The following COMMD10 variants were observed in gnomAD, a reference collection of about 807,000 sequenced individuals.
COMMD10 encodes COMM domain containing 10.
A neutral mutation model predicts 28.9 loss-of-function variants in COMMD10; 33 were observed. The ratio of observed to expected loss-of-function variants is 1.14; its 90% CI spans 0.87 to 1.53. The LOEUF (loss-of-function observed/expected upper bound fraction) is 1.53. COMMD10 is among the 40% of genes most tolerant of loss of function. The probability of loss-of-function intolerance (pLI) is 0.00; values close to 1 mark genes in which losing one functional copy is unlikely to be tolerated. For missense variants in COMMD10, 310 were observed against 233.4 expected, an observed-to-expected ratio of 1.33 and a Z score of -2.14; for synonymous variants, 110 against 81.7, an observed-to-expected ratio of 1.35 and a Z score of -1.87.
intron 5 of COMMD10, among the ~76,000 whole-genome samples, chr5:116,151,771 T>C (rs1340020173): frequency 1.3e-5 from 2 of 152,226 alleles, no homozygotes; most frequent in South Asian, 2.1e-4. Flanking sequence ...GTCTTGCTAA[T>C]GGTCTATCAA....
intron 6 of COMMD10, among the ~76,000 whole-genome samples, chr5:116,291,889 T>A (rs1458140692): frequency 2.0e-5 from 3 of 152,158 alleles, no homozygotes; most frequent in Non-Finnish European, 1.5e-5. Context: ...TCAAATACTT[T>A]AATTTCTGGG....
chr5:116,253,958 A>G (rs565434139), intron 5 of COMMD10, among the ~76,000 whole-genome samples: 3 of 152,210 alleles, frequency 2.0e-5, no homozygotes, highest in South Asian at 2.1e-4. Flanking sequence ...GCTATTGATT[A>G]TTGCCACAAT....
intron 5 of COMMD10, among the ~76,000 whole-genome samples, chr5:116,149,204 C>T (rs1437652167): frequency 7.5e-5 from 11 of 145,886 alleles, no homozygotes; most frequent in African/African-American, 2.2e-4. Flanking sequence ...TTTATGGCTG[C>T]GTAGTATTCC....
chr5:116,109,741 C>G (rs1000106158), intron 4 of COMMD10, among the ~76,000 whole-genome samples: 2 of 152,164 alleles, frequency 1.3e-5, no homozygotes, highest in African/African-American at 4.8e-5. Flanking sequence ...TGTTGTGCAG[C>G]TTTACTACAT....
At chr5:116,239,840 G>T (rs1180488759) in intron 5 of COMMD10, among the ~76,000 whole-genome samples, 1 of 152,112 alleles carries the variant, frequency 6.6e-6, no homozygotes, top group Non-Finnish European at 1.5e-5. Flanking sequence ...ACTGCTCCAG[G>T]TTTGCTGTGT....
intron 5 of COMMD10, among the ~76,000 whole-genome samples, chr5:116,212,294 T>TA (rs1179517471): frequency 6.6e-6 from 1 of 152,136 alleles, no homozygotes; most frequent in Non-Finnish European, 1.5e-5. Context: ...CTCCTGAAGT[T>TA]ATAAAAGTAG....
At chr5:116,166,529 C>T (rs1334484019) in intron 5 of COMMD10, among the ~76,000 whole-genome samples, 1 of 152,204 alleles carries the variant, frequency 6.6e-6, no homozygotes, top group African/African-American at 2.4e-5. Context: ...GGTCCCCGGC[C>T]CCCGTGCCTC....
intron 5 of COMMD10, among the ~76,000 whole-genome samples, chr5:116,154,953 T>TTA (rs1752660216): frequency 6.6e-6 from 1 of 152,170 alleles, no homozygotes; most frequent in Non-Finnish European, 1.5e-5. Context: ...CATTTCTAAA[T>TTA]AAGTCCATGA....
At chr5:116,205,380 A>G (rs1296431226) in intron 5 of COMMD10, among the ~76,000 whole-genome samples, 4 of 152,196 alleles carry the variant, frequency 2.6e-5, no homozygotes, top group Non-Finnish European at 4.4e-5. Context: ...TACCTATAGT[A>G]GCATCTGGTG....
At chr5:116,252,021 G>C (rs1158619447) in intron 5 of COMMD10, among the ~76,000 whole-genome samples, 1 of 147,448 alleles carries the variant, frequency 6.8e-6, no homozygotes, top group African/African-American at 2.6e-5. Context: ...TCTCATTGTG[G>C]TTTTGATTTG....
intron 5 of COMMD10, among the ~76,000 whole-genome samples, chr5:116,287,993 A>G (rs1345318145): frequency 1.3e-5 from 2 of 151,652 alleles, no homozygotes; most frequent in East Asian, 1.9e-4. Context: ...ATTACGTATT[A>G]CTATATTTTT....
intron 5 of COMMD10, among the ~76,000 whole-genome samples, chr5:116,174,828 T>G (rs61263877): frequency 1.1e-4 from 16 of 152,158 alleles, no homozygotes; most frequent in Non-Finnish European, 1.6e-4. Flanking sequence ...ACAGTTGTCC[T>G]TGAAGTCTAT....
At chr5:116,274,906 T>A (rs573316969) in intron 5 of COMMD10, among the ~76,000 whole-genome samples, 1 of 151,940 alleles carries the variant, frequency 6.6e-6, no homozygotes, top group African/African-American at 2.4e-5. Flanking sequence ...CACTCTTAAG[T>A]ATTAATCTGT....
At chr5:116,195,432 C>A (rs954275101) in intron 5 of COMMD10, among the ~76,000 whole-genome samples, 2 of 152,082 alleles carry the variant, frequency 1.3e-5, no homozygotes, top group Admixed American at 6.6e-5. Context: ...CAGAAAGCTC[C>A]TAGAACTGGT....
intron 5 of COMMD10, among the ~76,000 whole-genome samples, chr5:116,206,776 G>T (rs565015705): frequency 7.6e-4 from 115 of 152,306 alleles, no homozygotes; most frequent in East Asian, 6.7e-3. Flanking sequence ...CTCTATGGAA[G>T]ATAAACTGCA....
chr5:116,109,843 C>T lies in COMMD10; in HGVS notation c.399+17143C>T, dbSNP rs181214490. Among the ~76,000 whole-genome samples, 654 of 152,292 alleles carry T rather than the reference C, an allele frequency of 4.3e-3. 2 individuals carry two copies. The highest frequency in any genetic ancestry group is 6.8e-3 in the African/African-American group (281 of 41,560). On this transcript the variant is annotated intron_variant, in intron 4 of 6. Transcript: ENST00000274458. ...GCAAACAGTAATAATTTTACTTTCT[C>T]TTTTCCCATTTAGAAGCCTTTTATC...
chr5:116,085,129 C>T, intron 1 of COMMD10, 36 bp downstream of exon 1: 1 of 1,595,056 alleles, frequency 6.3e-7, no homozygotes, highest in Non-Finnish European at 8.5e-7. Context: ...GTAGCCGCGC[C>T]CAGGAAGGCC....
intron 5 of COMMD10, among the ~76,000 whole-genome samples, chr5:116,219,393 T>C (rs1478556650): frequency 3.3e-5 from 5 of 152,140 alleles, no homozygotes; most frequent in Non-Finnish European, 7.3e-5. Context: ...GTGTAAGCAT[T>C]ACCTTAAAAG....
At chr5:116,211,191 T>C (rs1051234915) in intron 5 of COMMD10, among the ~76,000 whole-genome samples, 2 of 152,142 alleles carry the variant, frequency 1.3e-5, no homozygotes, top group African/African-American at 2.4e-5. Context: ...TTTGTATGTA[T>C]ATGCAGTCAT....
Sources: gnomAD v4.1 joint callset for allele counts (sites outside exome capture counted in the v4.1 genomes callset) on GRCh38, gnomAD v4.1.1 for gene constraint, MANE v1.5 for transcripts, NCBI Gene and HGNC (gene_info 2026-07-23, HGNC 2026-07-21) for gene names.